HCN1: variants seen among roughly 807,000 people sequenced by gnomAD.
The protein encoded by HCN1 is hyperpolarization activated cyclic nucleotide gated potassium channel 1, also known as potassium/sodium hyperpolarization-activated cyclic nucleotide-gated channel 1.
HCN1 carries 13 observed loss-of-function variants against 78.9 expected under a neutral mutation model. The ratio of observed to expected loss-of-function variants is 0.16; its 90% confidence interval spans 0.11 to 0.26. The LOEUF (loss-of-function observed/expected upper bound fraction) is 0.26, where lower values mean the gene tolerates loss of function less well. Among genes scored for constraint, HCN1 ranks in the 10% least tolerant of loss-of-function variants. The pLI is 1.00. For missense variants in HCN1, 810 were observed against 1,154.3 expected (o/e 0.70, Z 4.32); for synonymous variants, 552 against 455.5 (o/e 1.21, Z -2.70).
intron 6 of HCN1, 132 bp downstream of exon 6, chr5:45,303,467 C>A: frequency 1.2e-6 from 1 of 839,598 alleles, no homozygotes; most frequent in Non-Finnish European, 2.0e-6. Context: ...CTGTTATAGA[C>A]ACTTTTATCA....
chr5:45,524,043 T>G (rs960368979), intron 2 of HCN1, among the ~76,000 whole-genome samples: 1 of 152,092 alleles, frequency 6.6e-6, no homozygotes, highest in African/African-American at 2.4e-5. Flanking sequence ...TTGTATAAGG[T>G]GTAAGGAAGG....
intron 2 of HCN1, among the ~76,000 whole-genome samples, chr5:45,638,032 C>T (rs1484999633): frequency 6.6e-6 from 1 of 152,018 alleles, no homozygotes; most frequent in Admixed American, 6.6e-5. Context: ...TTGGCTTGGA[C>T]TAGGATGGTG....
At chr5:45,581,790 T>C (rs1744082915) in intron 2 of HCN1, among the ~76,000 whole-genome samples, 1 of 152,226 alleles carries the variant, frequency 6.6e-6, no homozygotes, top group Admixed American at 6.5e-5. Context: ...CCTTTCCCCA[T>C]TGCTTGTTTT....
chr5:45,659,747 T>G (rs1459267277), intron 1 of HCN1, among the ~76,000 whole-genome samples: 1 of 112,394 alleles, frequency 8.9e-6, no homozygotes, highest in African/African-American at 4.0e-5. Flanking sequence ...GAAGGGAAGT[T>G]TAGAGAAAAA....
At chr5:45,619,608 G>C (rs1215817178) in intron 2 of HCN1, among the ~76,000 whole-genome samples, 1 of 151,780 alleles carries the variant, frequency 6.6e-6, no homozygotes, top group African/African-American at 2.4e-5. Context: ...AATAAATGCA[G>C]AATAAATGAG....
chr5:45,325,646 CT>C (rs1746220577), intron 5 of HCN1, among the ~76,000 whole-genome samples: 1 of 151,588 alleles, frequency 6.6e-6, no homozygotes, highest in Non-Finnish European at 1.5e-5. Context: ...GGTTTGTCTT[CT>C]AAATTGCAAG....
At chr5:45,425,447 G>T (rs1228371067) in intron 3 of HCN1, among the ~76,000 whole-genome samples, 2 of 152,140 alleles carry the variant, frequency 1.3e-5, no homozygotes, top group African/African-American at 2.4e-5. Flanking sequence ...ATCACATCAA[G>T]ATGTCAAATA....
chr5:45,370,804 A>G (rs913800906), intron 4 of HCN1, among the ~76,000 whole-genome samples: 1 of 152,118 alleles, frequency 6.6e-6, no homozygotes, highest in Admixed American at 6.6e-5. Flanking sequence ...ATGCAAAAAA[A>G]TGTTAAAGAT....
At chr5:45,298,314 C>G (rs1247770960) in intron 6 of HCN1, among the ~76,000 whole-genome samples, 1 of 151,980 alleles carries the variant, frequency 6.6e-6, no homozygotes, top group Non-Finnish European at 1.5e-5. Context: ...GCTCCCTCAC[C>G]ATGTGATACC....
At chr5:45,461,660 C>G (rs989475171) in intron 3 of HCN1, among the ~76,000 whole-genome samples, 186 bp downstream of exon 3, 18 of 152,074 alleles carry the variant, frequency 1.2e-4, no homozygotes, top group African/African-American at 3.9e-4. Context: ...GGAACATAGT[C>G]AATTAGTAAA....
chr5:45,364,077 G>A (rs576444748), intron 4 of HCN1, among the ~76,000 whole-genome samples: 1 of 152,160 alleles, frequency 6.6e-6, no homozygotes, highest in East Asian at 1.9e-4. Flanking sequence ...TTCCTCCTAA[G>A]ACATCTTTTC....
chr5:45,690,493 C>A (rs1294572865), intron 1 of HCN1, among the ~76,000 whole-genome samples: 2 of 151,844 alleles, frequency 1.3e-5, no homozygotes, highest in Non-Finnish European at 2.9e-5. Context: ...GTTTCTGTAG[C>A]ACATATATAC....
intron 4 of HCN1, among the ~76,000 whole-genome samples, chr5:45,382,488 A>G (rs1482521534): frequency 1.3e-5 from 2 of 152,156 alleles, no homozygotes; most frequent in Admixed American, 6.6e-5. Context: ...TCTTCATAAC[A>G]CCATATTATA....
chr5:45,540,380 T>C (rs1218476393), intron 2 of HCN1, among the ~76,000 whole-genome samples: 1 of 151,142 alleles, frequency 6.6e-6, no homozygotes, highest in Non-Finnish European at 1.5e-5. Context: ...CAGACTGGAG[T>C]GCAGTGGCAT....
intron 2 of HCN1, among the ~76,000 whole-genome samples, chr5:45,471,055 T>C (rs1377058900): frequency 6.6e-6 from 1 of 151,938 alleles, no homozygotes; most frequent in Non-Finnish European, 1.5e-5. Flanking sequence ...TGTCTGGATA[T>C]AGAATTCTAG....
At chr5:45,604,587 A>G (rs1744690166) in intron 2 of HCN1, among the ~76,000 whole-genome samples, 1 of 152,002 alleles carries the variant, frequency 6.6e-6, no homozygotes, top group South Asian at 2.1e-4. Flanking sequence ...AGGGAGATAA[A>G]TTACATGTCA....
intron 2 of HCN1, among the ~76,000 whole-genome samples, chr5:45,520,556 T>A (rs984490208): frequency 6.6e-6 from 1 of 152,038 alleles, no homozygotes; most frequent in African/African-American, 2.4e-5. Flanking sequence ...ATTTTCATGT[T>A]CACTTTCCCT....
At chr5:45,500,544 C>T (rs1485558184) in intron 2 of HCN1, among the ~76,000 whole-genome samples, 3 of 152,108 alleles carry the variant, frequency 2.0e-5, no homozygotes, top group African/African-American at 7.2e-5. Context: ...AATGTTAGAT[C>T]TGGTAGAACT....
intron 2 of HCN1, among the ~76,000 whole-genome samples, chr5:45,581,069 G>A (rs934014770): frequency 6.6e-6 from 1 of 152,116 alleles, no homozygotes; most frequent in African/African-American, 2.4e-5. Flanking sequence ...GGGATGGCTG[G>A]GTCAAATGGT....
Sources: allele counts gnomAD v4.1 joint callset (sites outside exome capture counted in the v4.1 genomes callset), GRCh38; gene constraint gnomAD v4.1.1; transcripts MANE v1.5; gene names NCBI Gene and HGNC (gene_info 2026-07-23, HGNC 2026-07-21).